The following ANKRD2 variants were observed in gnomAD, a reference collection of about 807,000 sequenced individuals.
ANKRD2 encodes the protein ankyrin repeat domain-containing protein 2.
A neutral mutation model predicts 37.3 loss-of-function variants in ANKRD2; 35 were observed. The ratio of observed to expected loss-of-function variants is 0.94; its 90% CI spans 0.72 to 1.24. The LOEUF is 1.24. Ranked by LOEUF, ANKRD2 falls within the 50% of genes most tolerant of loss-of-function variation. ANKRD2 has a pLI of 0.00. For synonymous variants in ANKRD2, 159 were observed against 186.5 expected (o/e 0.85, Z 1.20); for missense variants, 410 against 445.6 (o/e 0.92, Z 0.72).
chr10:97,582,230 G>C (rs988911251), intron 6 of ANKRD2, 85 bp from the exon 7 acceptor site: 1 of 1,140,798 alleles, frequency 8.8e-7, no homozygotes, highest in Non-Finnish European at 1.3e-6. Flanking sequence ...GAGGGATTAA[G>C]CTGGAGTTAG....
chr10:97,578,009 G>T (rs936126737), intron 2 of ANKRD2, 108 bp downstream of exon 2: 2 of 1,170,570 alleles, frequency 1.7e-6, no homozygotes, highest in East Asian at 2.6e-5. Context: ...CAGCACCCCC[G>T]GTAGAGCTTG....
chr10:97,581,491 G>GC, intron 6 of ANKRD2, 77 bp downstream of exon 6: 1 of 1,431,096 alleles, frequency 7.0e-7, no homozygotes, highest in Non-Finnish European at 9.8e-7. Context: ...GGGCAGGAAA[G>GC]CCTAGGGGGC....
At chr10:97,578,130 A>T (rs963752226) in intron 2 of ANKRD2, 110 bp from the exon 3 acceptor site, 1 of 1,365,482 alleles carries the variant, frequency 7.3e-7, no homozygotes, top group Non-Finnish European at 9.8e-7. Context: ...CTTCTTTCTT[A>T]AGAGGGTCTT....
chr10:97,578,144 GCCCACCCCA>G, intron 2 of ANKRD2, 87 bp from the exon 3 acceptor site: 1 of 685,446 alleles, frequency 1.5e-6, no homozygotes, highest in Non-Finnish European at 2.5e-6. Flanking sequence ...GGGTCTTCCT[GCCCACCCCA>G]CCCTCCCCAC....
rs79247753 is a variant in ANKRD2 at position 97,573,842 on chromosome 10, C to G, written c.87+967C>G. On this transcript the variant is annotated intron_variant, in intron 1 of 8. Transcript: ENST00000370655. ...TCAGACCCTGCCTTCTTTTTACCAA[C>G]CCAGGATTCATTTTAGCCCATTTGT... Among the ~76,000 whole-genome samples the G allele has an allele frequency of 6.8e-3, 1,042 of 152,290 alleles. 16 individuals carry two copies. Among genetic ancestry groups the G allele is most frequent in the African/African-American group, 0.024 (979 of 41,544 alleles).
upstream of ANKRD2, chr10:97,572,510 A>G (rs2040769718): frequency 1.6e-6 from 1 of 619,188 alleles, no homozygotes. Flanking sequence ...ACCAGTCCCA[A>G]GTGCTCAGGA....
chr10:97,582,033 A>G lies in ANKRD2; in HGVS notation c.655-282A>G, dbSNP rs528760341. Among the ~76,000 whole-genome samples, 12 of 152,352 alleles carry G rather than the reference A, an allele frequency of 7.9e-5. No individual in the cohort carries two copies. In the South Asian group the frequency reaches 2.5e-3, roughly 32 times the overall value. ...CCATTACATAGTCATCTCTCAATAA[A>G]TGACATATATTATGATTATTAAAAG... On this transcript the variant is annotated intron_variant, in intron 6 of 8. Transcript: ENST00000370655.
At chr10:97,572,718 C>T (rs754093162), upstream of ANKRD2, 15 of 1,604,308 alleles carry the variant, frequency 9.3e-6, no homozygotes, top group East Asian at 1.8e-4. Context: ...ATGGCAAAGG[C>T]GCCCAGCTGG....
Position 97,577,807 on chromosome 10 carries a change from G to C in ANKRD2, c.95G>C (p.Arg32Pro), listed in dbSNP as rs201676501. 232 of 1,561,604 alleles carry C rather than the reference G, an allele frequency of 1.5e-4. 1 individual carries two copies. The Admixed American group carries it at 4.4e-3, about 29-fold the overall frequency. The change falls in exon 2 of 9, where the codon CGA becomes CCA. Residue 32 changes from arginine (R) to proline (P), a missense_variant. By Grantham distance (103) the Arg-to-Pro change is moderately radical. Coordinates refer to ENST00000370655, the MANE Select transcript of ANKRD2 (RefSeq NM_001346793.2). ...CCCTCTTTGGATCACCAGAAACTCC[G>C]AGGAGACGCACGCCAGAAGCTGCCC... ...LAQEEENEKL[R>P]GDARQKLPMD...
Position 97,583,652 on chromosome 10 carries a change from G to A in ANKRD2, c.929G>A (p.Gly310Glu), listed in dbSNP as rs1262097625. ...TRHALEHPEP[G>E]AEHNGLEGPN... is the part of the protein sequence containing the mutation. ...CACGCCCTGGAGCATCCTGAGCCGG[G>A]GGCTGAGCATAACGGGCTGGAGGGG... The change falls in exon 9 of 9, where the codon GGG becomes GAG. Residue 310 changes from glycine to glutamate, a missense_variant. Physicochemically the swap from Gly to Glu is moderately conservative, Grantham distance 98. Transcript: ENST00000370655. The A allele has an allele frequency of 2.5e-6, 4 of 1,606,414 alleles. No homozygotes were observed. The highest frequency in any genetic ancestry group is 3.4e-6 in the Non-Finnish European group (4 of 1,177,036).
Position 97,581,330 on chromosome 10 carries a change from C to A in ANKRD2, c.570C>A (p.Ala190=). The stretch of plus-strand genomic sequence containing the variant: ...TTTCTTTCTAGCTGGACTGCACAGC[C>A]ATGCATTGGGCCTGCCGCGGGGGCC... ...VDFQDRLDCT[A]MHWACRGGHL... Residue 190 remains alanine, a synonymous_variant, in exon 6 of 9, where the codon GCC becomes GCA. Coordinates refer to ENST00000370655, the MANE Select transcript of ANKRD2 (RefSeq NM_001346793.2). 6.2e-7 allele frequency: 1 copy of A among 1,614,128 alleles called. No homozygotes were observed. Among genetic ancestry groups the A allele is most frequent in the East Asian group, 2.2e-5 (1 of 44,888 alleles).
At position 97,581,418 on chromosome 10, in the gene ANKRD2, A is replaced by C. The variant is rs2040897565; in HGVS notation, c.654+4A>C. 1 of 1,614,000 alleles carries C rather than the reference A, an allele frequency of 6.2e-7. No homozygotes were observed. Among genetic ancestry groups the C allele is most frequent in the East Asian group, 2.2e-5 (1 of 44,886 alleles). ...AGACACCAATGTGAGGGATAAGGTG[A>C]GGCAAAAACACTCAGAAGCAACAGA... On this transcript the variant is annotated splice_donor_region_variant and intron_variant, in intron 6 of 8. Coordinates refer to ENST00000370655, the MANE Select transcript of ANKRD2 (RefSeq NM_001346793.2).
chr10:97,578,031 G>A, intron 2 of ANKRD2, 130 bp downstream of exon 2: 1 of 1,095,796 alleles, frequency 9.1e-7, no homozygotes. Flanking sequence ...TAGCCCTGCA[G>A]AATCTCCGCC....
chr10:97,575,922 A>G (rs1290262173), intron 1 of ANKRD2, among the ~76,000 whole-genome samples: 1 of 152,084 alleles, frequency 6.6e-6, no homozygotes. Flanking sequence ...AAAAAAAAAA[A>G]AAAATACACA....
At chr10:97,572,707 C>A, upstream of ANKRD2, 1 of 1,602,838 alleles carries the variant, frequency 6.2e-7, no homozygotes, top group Non-Finnish European at 8.5e-7. Flanking sequence ...CCAGTGAGCT[C>A]ATGGCAAAGG....
At position 97,582,263 on chromosome 10, in the gene ANKRD2, G is replaced by C. The variant is rs2040906999; in HGVS notation, c.655-52G>C. On this transcript the variant is annotated intron_variant, in intron 6 of 8. Transcript: ENST00000370655. The stretch of plus-strand genomic sequence containing the variant: ...TAGGACAGCCCCCGCCTTCCCAGGG[G>C]TACCACAGTTCAGGCCCCGTCAACT... 6 of 1,486,280 alleles carry C rather than the reference G, an allele frequency of 4.0e-6. No homozygotes were observed. In the South Asian group the frequency reaches 7.3e-5, roughly 18 times the overall value. The allele number at this position is 1,486,280 out of a possible 1,614,324, so 92.1% of individuals were successfully genotyped here. A position where few individuals can be genotyped will look rare whatever the true frequency, so the allele number is the denominator to read the frequency against.
chr10:97,577,036 C>T (rs1195080534), intron 1 of ANKRD2, among the ~76,000 whole-genome samples: 1 of 151,542 alleles, frequency 6.6e-6, no homozygotes, highest in African/African-American at 2.4e-5. Context: ...CTCTCTCTCT[C>T]ACTGTCACTC....
rs1261696605 is a variant in ANKRD2, at chr10:97,578,544, G to A, written c.395G>A (p.Gly132Glu). The A allele has an allele frequency of 1.3e-6, 2 of 1,573,416 alleles. No homozygotes were observed. The highest frequency in any genetic ancestry group is 1.7e-6 in the Non-Finnish European group (2 of 1,159,030). Residue 132 changes from glycine to glutamate, a missense_variant, in exon 4 of 9, where the codon GGG becomes GAG. Physicochemically the swap from Gly to Glu is moderately conservative, Grantham distance 98 (BLOSUM62 -2). Coordinates refer to ENST00000370655, the MANE Select transcript of ANKRD2 (RefSeq NM_001346793.2). ...EETFLKAAVE[G>E]KMKVIEKFLA... ...ACCTTCCTGAAAGCTGCGGTGGAGG[G>A]GAAAATGAAGGTCATTGAGAAGTTC...
intron 2 of ANKRD2, among the ~76,000 whole-genome samples, 157 bp from the exon 3 acceptor site, chr10:97,578,083 G>A (rs2040847624): frequency 6.6e-6 from 1 of 152,014 alleles, no homozygotes; most frequent in Non-Finnish European, 1.5e-5. Flanking sequence ...CAATGTGAGA[G>A]CCATCTAGGC....
Sources: gnomAD v4.1 joint callset for allele counts (sites outside exome capture counted in the v4.1 genomes callset) on GRCh38, gnomAD v4.1.1 for gene constraint, MANE v1.5 for transcripts, NCBI Gene and HGNC (gene_info 2026-07-23, HGNC 2026-07-21) for gene names.